PTDSS1: variants seen among roughly 807,000 people sequenced by gnomAD.
PTDSS1 encodes the protein PSS-1.
A neutral mutation model predicts 70.5 loss-of-function variants in PTDSS1; 45 were observed. That is an observed-to-expected ratio of 0.64 (90% CI 0.50 to 0.82). The LOEUF is 0.82. Among genes scored for constraint, PTDSS1 ranks in the 40% least tolerant of loss-of-function variants. PTDSS1 has a pLI of 0.00. For missense variants in PTDSS1, 417 were observed against 586.1 expected (o/e 0.71, Z 2.98); for synonymous variants, 188 against 203.8 (o/e 0.92, Z 0.66).
chr8:96,304,505 G>A (rs1185718036), intron 7 of PTDSS1, among the ~76,000 whole-genome samples: 5 of 152,204 alleles, frequency 3.3e-5, no homozygotes, highest in Admixed American at 3.3e-4. Flanking sequence ...TCATTTTCAA[G>A]ACCAAAGGAA....
intron 4 of PTDSS1, chr8:96,287,497 T>TG (rs1212832836): frequency 4.5e-6 from 1 of 222,634 alleles, no homozygotes; most frequent in South Asian, 8.3e-5. Flanking sequence ...AATACTTACT[T>TG]GGGGGTTATT....
Position 96,272,261 on chromosome 8 carries a change from A to G in PTDSS1, c.180-1038A>G, listed in dbSNP as rs191973210. 5.2e-3 allele frequency among the ~76,000 whole-genome samples: 786 copies of G among 151,824 alleles called. 3 individuals are homozygous for G. Among genetic ancestry groups the G allele is most frequent in the African/African-American group, 0.015 (639 of 41,404 alleles). ...ATTGTTTTGTTTTGTTTTGAGGTTC[A>G]TTTATTTTTTTAATTCTCCAATTTC... On this transcript the variant is annotated intron_variant, in intron 1 of 12. Transcript: ENST00000517309.
At chr8:96,278,270 G>A (rs1449790122) in intron 2 of PTDSS1, among the ~76,000 whole-genome samples, 1 of 152,222 alleles carries the variant, frequency 6.6e-6, no homozygotes, top group East Asian at 1.9e-4. Context: ...GTGTTTAGAG[G>A]AGTAGGTGTT....
chr8:96,330,981 AG>A, intron 11 of PTDSS1, 44 bp from the exon 12 acceptor site: 3 of 1,541,498 alleles, frequency 1.9e-6, no homozygotes, highest in Non-Finnish European at 2.7e-6. Flanking sequence ...CACTTCTCCC[AG>A]GGAGTTCCTA....
At chr8:96,282,696 A>G (rs994487377) in intron 2 of PTDSS1, among the ~76,000 whole-genome samples, 3 of 152,242 alleles carry the variant, frequency 2.0e-5, no homozygotes, top group African/African-American at 7.2e-5. Flanking sequence ...ATATATTTCA[A>G]TGTGGTCTTT....
At chr8:96,283,082 C>G (rs1810765224) in intron 2 of PTDSS1, among the ~76,000 whole-genome samples, 1 of 152,228 alleles carries the variant, frequency 6.6e-6, no homozygotes. Flanking sequence ...CACCACCTGC[C>G]TACTGCCCCT....
At chr8:96,304,570 T>C (rs1310586707) in intron 7 of PTDSS1, among the ~76,000 whole-genome samples, 2 of 152,226 alleles carry the variant, frequency 1.3e-5, no homozygotes, top group Non-Finnish European at 2.9e-5. Flanking sequence ...GTTAAAATTG[T>C]TCCTCAGCTG....
Position 96,262,062 on chromosome 8 carries a change from C to A in PTDSS1, c.22C>A (p.Arg8=). The change falls in exon 1 of 13, where the codon CGG becomes AGG. Residue 8 remains arginine (R), a synonymous_variant. Coordinates refer to ENST00000517309, the MANE Select transcript of PTDSS1 (RefSeq NM_014754.3). This position sits in a 1 kb window ranked among gnomAD's most constrained non-coding sequence, Gnocchi z 4.4. MASCVGS[R]TLSKDDVNYK... The stretch of plus-strand genomic sequence containing the variant: ...GGCCATGGCGTCCTGCGTGGGGAGC[C>A]GGACCCTAAGCAAGGATGATGTGAA... 1 of 1,613,408 alleles carries A rather than the reference C, an allele frequency of 6.2e-7. No individual in the cohort carries two copies. The highest frequency in any genetic ancestry group is 8.5e-7 in the Non-Finnish European group (1 of 1,179,590).
rs569959271 is a variant in PTDSS1 at position 96,333,926 on chromosome 8, C to T, written c.*360C>T. On this transcript the variant is annotated 3_prime_UTR_variant, in exon 13 of 13. Transcript: ENST00000517309. ...TGCAGCGTAAACATCTTCCTTCAGA[C>T]GAGGCATTAACCCCATGGTTAATGG... 1 of 580,196 alleles carries T rather than the reference C, an allele frequency of 1.7e-6. No homozygotes were observed. The highest frequency in any genetic ancestry group is 2.8e-5 in the East Asian group (1 of 35,466). 35.9% of individuals were successfully genotyped at this position (580,196 alleles called of 1,614,324 possible). A position where few individuals can be genotyped will look rare whatever the true frequency, so the allele number is the denominator to read the frequency against.
At chr8:96,265,131 C>T (rs937469514) in intron 1 of PTDSS1, among the ~76,000 whole-genome samples, 3 of 152,184 alleles carry the variant, frequency 2.0e-5, no homozygotes, top group African/African-American at 7.2e-5. Flanking sequence ...TAATGATTAA[C>T]TCCAGTGCCT....
chr8:96,280,091 T>A (rs1485536871), intron 2 of PTDSS1, among the ~76,000 whole-genome samples: 1 of 152,196 alleles, frequency 6.6e-6, no homozygotes, highest in Non-Finnish European at 1.5e-5. Context: ...TTTCTAGGTA[T>A]AACAGTTTCT....
At chr8:96,288,393 C>T (rs561941340) in intron 4 of PTDSS1, among the ~76,000 whole-genome samples, 7 of 152,224 alleles carry the variant, frequency 4.6e-5, no homozygotes, top group Admixed American at 1.3e-4. Context: ...GGCACAATCT[C>T]GGCTCACTGC....
At chr8:96,323,130 C>T (rs1811394696) in intron 10 of PTDSS1, among the ~76,000 whole-genome samples, 1 of 152,234 alleles carries the variant, frequency 6.6e-6, no homozygotes, top group African/African-American at 2.4e-5. Flanking sequence ...TGTGTCCTGG[C>T]CTGGGGCAGG....
chr8:96,290,424 C>G (rs1423056298), intron 4 of PTDSS1, among the ~76,000 whole-genome samples: 19 of 152,138 alleles, frequency 1.2e-4, no homozygotes, highest in Admixed American at 1.2e-3. Flanking sequence ...TGACACCTGG[C>G]TTTCTTAAGA....
chr8:96,279,286 C>T (rs1213407095), intron 2 of PTDSS1, among the ~76,000 whole-genome samples: 2 of 151,854 alleles, frequency 1.3e-5, no homozygotes, highest in Non-Finnish European at 2.9e-5. Context: ...TGGCTGCACT[C>T]AGCACTTTTT....
chr8:96,328,031 C>T (rs908899662), intron 10 of PTDSS1, among the ~76,000 whole-genome samples: 1 of 152,114 alleles, frequency 6.6e-6, no homozygotes, highest in African/African-American at 2.4e-5. Context: ...CACAACAGAC[C>T]CTTTGTGTGA....
chr8:96,262,282 T>TG lies in PTDSS1; in HGVS notation c.179+65dup. ...GCTAGGGAAGAGGCGGGAGGGAGGG[T>TG]GGCGGGGAGGGGGGCCCGGCATGGC... On this transcript the variant is annotated intron_variant, in intron 1 of 12. Coordinates refer to ENST00000517309, the MANE Select transcript of PTDSS1 (RefSeq NM_014754.3). The surrounding 1 kb of genome is among the most constrained non-coding windows in gnomAD (Gnocchi z 4.4). 2 of 250,426 alleles carry TG rather than the reference T, an allele frequency of 8.0e-6. No homozygotes were observed. The highest frequency in any genetic ancestry group is 3.5e-5 in the African/African-American group (1 of 28,312). 15.5% of individuals were successfully genotyped at this position (250,426 alleles called of 1,614,324 possible). A position where few individuals can be genotyped will look rare whatever the true frequency, so the allele number is the denominator to read the frequency against.
rs1417055060 is a variant in PTDSS1, at chr8:96,310,454, A to G, written c.1073+832A>G. ...TGGGATTACAGGCATGAGCCACCGC[A>G]CCCGGCCTTGGCTCTCTTTTTTTTT... On this transcript the variant is annotated intron_variant, in intron 9 of 12. Transcript: ENST00000517309. 4.2e-4 allele frequency among the ~76,000 whole-genome samples: 62 copies of G among 148,806 alleles called. No individual in the cohort carries two copies. In the South Asian group the frequency reaches 5.1e-3, roughly 12 times the overall value.
intron 1 of PTDSS1, among the ~76,000 whole-genome samples, chr8:96,270,816 C>T (rs1429401839): frequency 6.6e-6 from 1 of 152,110 alleles, no homozygotes; most frequent in Non-Finnish European, 1.5e-5. Flanking sequence ...CATTTTCCCA[C>T]CTCTGAAACT....
Sources: allele counts gnomAD v4.1 joint callset (sites outside exome capture counted in the v4.1 genomes callset), GRCh38; gene constraint gnomAD v4.1.1; non-coding constraint Gnocchi (gnomAD v3.1); transcripts MANE v1.5; gene names NCBI Gene and HGNC (gene_info 2026-07-23, HGNC 2026-07-21).